The following FOCAD variants were observed in gnomAD, a reference collection of about 807,000 sequenced individuals.
FOCAD encodes the protein focadhesin, also known as KIAA1797.
FOCAD carries 198 observed loss-of-function variants against 225.6 expected under a neutral mutation model. The ratio of observed to expected loss-of-function variants is 0.88; its 90% confidence interval spans 0.78 to 0.99. FOCAD has a LOEUF of 0.99. FOCAD is among the 50% of genes least tolerant of loss of function. The pLI, the probability that FOCAD is intolerant of heterozygous loss-of-function variation, is 0.00. For synonymous variants in FOCAD, 897 were observed against 755.0 expected (o/e 1.19, Z -3.08); for missense variants, 2,713 against 2,123.6 (o/e 1.28, Z -5.46).
intron 27 of FOCAD, among the ~76,000 whole-genome samples, chr9:20,930,784 A>G (rs1835392730): frequency 1.3e-5 from 2 of 152,204 alleles, no homozygotes; most frequent in East Asian, 3.8e-4. Flanking sequence ...ACCATCACTA[A>G]TAAATATAGG....
chr9:20,903,907 T>G (rs1339749690), intron 21 of FOCAD, among the ~76,000 whole-genome samples: 1 of 151,936 alleles, frequency 6.6e-6, no homozygotes, highest in Non-Finnish European at 1.5e-5. Context: ...TATTCCCTCC[T>G]CGTTTCTTCC....
At chr9:20,974,229 C>T (rs981277024) in intron 35 of FOCAD, among the ~76,000 whole-genome samples, 6 of 147,478 alleles carry the variant, frequency 4.1e-5, no homozygotes, top group African/African-American at 1.5e-4. Context: ...TCTCCTTTTT[C>T]CTGTGCTTCT....
intron 22 of FOCAD, among the ~76,000 whole-genome samples, chr9:20,911,050 A>G (rs1337904460): frequency 6.6e-6 from 1 of 152,094 alleles, no homozygotes; most frequent in Non-Finnish European, 1.5e-5. Flanking sequence ...TTGGAAAAGC[A>G]TTATAGGAAA....
intron 11 of FOCAD, among the ~76,000 whole-genome samples, chr9:20,802,973 A>T (rs1274205767): frequency 6.6e-6 from 1 of 152,150 alleles, no homozygotes; most frequent in Non-Finnish European, 1.5e-5. Context: ...TATTTCTTTA[A>T]CATTTTTCTC....
intron 8 of FOCAD, among the ~76,000 whole-genome samples, chr9:20,772,789 G>C (rs1327915399): frequency 6.6e-6 from 1 of 151,994 alleles, no homozygotes; most frequent in East Asian, 1.9e-4. Flanking sequence ...AGTATTACAA[G>C]TCATTTGTCA....
Position 20,949,676 on chromosome 9 carries a change from G to A in FOCAD, c.3948+1G>A. 2 of 1,610,598 alleles carry A rather than the reference G, an allele frequency of 1.2e-6. 1 individual carries two copies. The highest frequency in any genetic ancestry group is 1.7e-6 in the Non-Finnish European group (2 of 1,177,302). The stretch of plus-strand genomic sequence containing the variant: ...TGAAGTCATTAGAACCTTAACTCAG[G>A]TGAGAAAATGAATTTAAAATCCTTG... On this transcript the variant is annotated splice_donor_variant, in intron 33 of 43. Coordinates refer to ENST00000338382, the MANE Select transcript of FOCAD (RefSeq NM_001375567.1). LOFTEE classifies it high-confidence loss of function.
rs776600940 is a variant in FOCAD at position 20,820,435 on chromosome 9, G to C, written c.1662+10G>C. The stretch of plus-strand genomic sequence containing the variant: ...TTTGTGGGAAAAGCAGGTAATTTCA[G>C]ATATACACTTGCATGAGTATTAAAT... On this transcript the variant is annotated intron_variant, in intron 13 of 43. Coordinates refer to ENST00000338382, the MANE Select transcript of FOCAD (RefSeq NM_001375567.1). 3 of 1,602,678 alleles carry C rather than the reference G, an allele frequency of 1.9e-6. No homozygotes were observed. Among genetic ancestry groups the C allele is most frequent in the Admixed American group, 1.7e-5 (1 of 59,796 alleles).
intron 15 of FOCAD, among the ~76,000 whole-genome samples, chr9:20,844,480 C>T (rs1369474024): frequency 6.7e-6 from 1 of 149,590 alleles, no homozygotes; most frequent in Non-Finnish European, 1.5e-5. Flanking sequence ...CCTGCCTCAG[C>T]CTCCCGAGTA....
chr9:20,757,018 C>G (rs1829115346), intron 5 of FOCAD, among the ~76,000 whole-genome samples: 1 of 152,176 alleles, frequency 6.6e-6, no homozygotes, highest in Non-Finnish European at 1.5e-5. Context: ...CAACCTCCGC[C>G]TCCCAAGTTT....
At position 20,843,154 on chromosome 9, in the gene FOCAD, A is replaced by G. The variant is rs767420234; in HGVS notation, c.1921-19424A>G. Among the ~76,000 whole-genome samples the G allele has an allele frequency of 6.2e-4, 94 of 152,096 alleles. 1 individual carries two copies. In the Middle Eastern group the frequency reaches 0.014, roughly 22 times the overall value. On this transcript the variant is annotated intron_variant, in intron 15 of 43. Transcript: ENST00000338382. ...GAGTAGTGTACATACCAGAATTACA[A>G]TATTATAATGTTCTGTATTTGTTTC...
intron 11 of FOCAD, among the ~76,000 whole-genome samples, chr9:20,798,147 A>G (rs891151370): frequency 2.7e-4 from 41 of 152,136 alleles, no homozygotes; most frequent in African/African-American, 8.7e-4. Context: ...GCTGGATTAC[A>G]TTTATTGATT....
chr9:20,932,989 T>C (rs1587651372), intron 27 of FOCAD, 25 bp from the exon 28 acceptor site: 1 of 1,540,684 alleles, frequency 6.5e-7, no homozygotes, highest in East Asian at 2.2e-5. Context: ...AAATAATTCA[T>C]TGTTTCCCCT....
At chr9:20,935,289 G>C (rs1457599005) in intron 28 of FOCAD, among the ~76,000 whole-genome samples, 2 of 152,146 alleles carry the variant, frequency 1.3e-5, no homozygotes, top group African/African-American at 4.8e-5. Flanking sequence ...CTATCATCTT[G>C]CAGCTTACAC....
chr9:20,891,090 T>G (rs980763793), intron 21 of FOCAD, among the ~76,000 whole-genome samples: 3 of 152,162 alleles, frequency 2.0e-5, no homozygotes, highest in Non-Finnish European at 2.9e-5. Flanking sequence ...GTTGTGATGA[T>G]CTATGATTAA....
At chr9:20,743,114 G>C (rs1051128815) in intron 5 of FOCAD, among the ~76,000 whole-genome samples, 1 of 152,164 alleles carries the variant, frequency 6.6e-6, no homozygotes, top group African/African-American at 2.4e-5. Flanking sequence ...TCATAAAATT[G>C]TCATGCTGTT....
intron 19 of FOCAD, among the ~76,000 whole-genome samples, chr9:20,879,850 G>A (rs964436905): frequency 1.3e-5 from 2 of 152,170 alleles, no homozygotes; most frequent in African/African-American, 4.8e-5. Flanking sequence ...GTAGAGCTTG[G>A]TAAGTAGAAA....
chr9:20,695,387 G>A (rs1184581331), intron 1 of FOCAD, among the ~76,000 whole-genome samples: 1 of 152,112 alleles, frequency 6.6e-6, no homozygotes, highest in Non-Finnish European at 1.5e-5. Flanking sequence ...AGCCACAGTT[G>A]ATGATTCATT....
chr9:20,829,560 A>G (rs1033519387), intron 15 of FOCAD, among the ~76,000 whole-genome samples: 1 of 152,208 alleles, frequency 6.6e-6, no homozygotes, highest in Middle Eastern at 3.4e-3. Context: ...AGAAATGTCT[A>G]TTCAGATCCT....
chr9:20,778,187 G>C, intron 8 of FOCAD, among the ~76,000 whole-genome samples: 1 of 149,424 alleles, frequency 6.7e-6, no homozygotes, highest in Non-Finnish European at 1.5e-5. Context: ...ATAGCATCTT[G>C]CTTTTTGGCC....
Sources: allele counts gnomAD v4.1 joint callset (sites outside exome capture counted in the v4.1 genomes callset), GRCh38; gene constraint gnomAD v4.1.1; transcripts MANE v1.5; gene names NCBI Gene and HGNC (gene_info 2026-07-23, HGNC 2026-07-21).